Variants in TOX2 observed in about 807,000 individuals in gnomAD.
The protein encoded by TOX2 is granulosa cell HMG box 1.
TOX2 carries 15 observed loss-of-function variants against 47.4 expected under a neutral mutation model. That is an observed-to-expected ratio of 0.32 (90% confidence interval 0.21 to 0.49). The LOEUF is 0.49. Ranked by LOEUF, TOX2 falls within the 20% of genes least tolerant of loss-of-function variation. The pLI is 0.99. For missense variants in TOX2, 622 were observed against 673.1 expected (o/e 0.92, Z 0.84); for synonymous variants, 290 against 296.6 (o/e 0.98, Z 0.23).
chr20:43,920,518 G>A (rs1446150856), intron 1 of TOX2, among the ~76,000 whole-genome samples: 1 of 152,148 alleles, frequency 6.6e-6, no homozygotes, highest in East Asian at 1.9e-4. Flanking sequence ...ACGCTAGATG[G>A]ATGTCTGCAT....
At chr20:43,943,845 A>G (rs2069432285) in intron 1 of TOX2, among the ~76,000 whole-genome samples, 1 of 114,364 alleles carries the variant, frequency 8.7e-6, no homozygotes, top group Non-Finnish European at 1.8e-5. Context: ...ATAGTATTCC[A>G]TTCTATGGAG....
chr20:44,022,274 G>T (rs1260605570), intron 3 of TOX2, among the ~76,000 whole-genome samples: 2 of 152,148 alleles, frequency 1.3e-5, no homozygotes, highest in African/African-American at 4.8e-5. Context: ...CATGCGTGTT[G>T]AGGAAGTTAC....
chr20:43,926,198 A>G (rs2069165004), intron 1 of TOX2, among the ~76,000 whole-genome samples: 1 of 151,968 alleles, frequency 6.6e-6, no homozygotes, highest in Non-Finnish European at 1.5e-5. Flanking sequence ...TGGAAGATGG[A>G]CCCTGGGCCC....
At chr20:43,977,491 G>A (rs913309384) in intron 2 of TOX2, among the ~76,000 whole-genome samples, 4 of 152,112 alleles carry the variant, frequency 2.6e-5, no homozygotes, top group African/African-American at 7.2e-5. Flanking sequence ...CTTAGAAACC[G>A]CAGCTGAGAC....
intron 1 of TOX2, among the ~76,000 whole-genome samples, chr20:43,918,383 T>G (rs1389022605): frequency 1.3e-5 from 2 of 152,206 alleles, no homozygotes; most frequent in Middle Eastern, 6.3e-3. Context: ...TTTTGATAAA[T>G]ATTAACACTC....
chr20:43,988,243 CAT>C (rs2070306964), intron 2 of TOX2, among the ~76,000 whole-genome samples: 1 of 152,214 alleles, frequency 6.6e-6, no homozygotes, highest in African/African-American at 2.4e-5. Context: ...AAAGCACATG[CAT>C]ATGTGTGTGT....
intron 2 of TOX2, among the ~76,000 whole-genome samples, chr20:43,974,802 C>T (rs2070045701): frequency 1.3e-5 from 2 of 152,242 alleles, no homozygotes; most frequent in African/African-American, 4.8e-5. Flanking sequence ...GGCATGGAAG[C>T]TCTGCTGCAG....
chr20:43,923,654 T>C (rs558282738), intron 1 of TOX2, among the ~76,000 whole-genome samples: 1 of 152,222 alleles, frequency 6.6e-6, no homozygotes, highest in South Asian at 2.1e-4. Flanking sequence ...GGTGTGGACA[T>C]GGTTAGGTGT....
chr20:43,979,809 A>G (rs2070140319), intron 2 of TOX2, among the ~76,000 whole-genome samples: 1 of 152,240 alleles, frequency 6.6e-6, no homozygotes, highest in Non-Finnish European at 1.5e-5. Context: ...GAGAAATGCA[A>G]ATCAAAACTA....
In TOX2 at chr20:43,984,103, C is replaced by T. The variant is rs73290623; in HGVS notation, c.165+10671C>T. On this transcript the variant is annotated intron_variant, in intron 2 of 8. Transcript: ENST00000341197. ...AAATTGTGTTTCACCCGCTGTGGTG[C>T]GGAGAAGGTAACAGCGGTGATTACT... Among the ~76,000 whole-genome samples the T allele has an allele frequency of 1.6e-3, 246 of 152,264 alleles. 2 individuals are homozygous for T. Among genetic ancestry groups the T allele is most frequent in the African/African-American group, 5.2e-3 (218 of 41,548 alleles).
At chr20:43,992,704 A>G (rs1191699221) in intron 2 of TOX2, among the ~76,000 whole-genome samples, 1 of 152,236 alleles carries the variant, frequency 6.6e-6, no homozygotes, top group Non-Finnish European at 1.5e-5. Flanking sequence ...AGCCCTTGAT[A>G]TGGCAAAAGT....
At chr20:43,989,948 G>A (rs2070339618) in intron 2 of TOX2, among the ~76,000 whole-genome samples, 1 of 152,096 alleles carries the variant, frequency 6.6e-6, no homozygotes, top group Admixed American at 6.5e-5. Flanking sequence ...GACTGAAGGG[G>A]GATTTACTTC....
intron 2 of TOX2, among the ~76,000 whole-genome samples, chr20:44,005,906 T>A (rs2070671312): frequency 6.6e-6 from 1 of 152,048 alleles, no homozygotes; most frequent in African/African-American, 2.4e-5. Flanking sequence ...TATTCAGCGT[T>A]GTCCTGGAGG....
intron 1 of TOX2, among the ~76,000 whole-genome samples, chr20:43,966,831 C>T (rs140471472): frequency 1.5e-4 from 22 of 151,012 alleles, no homozygotes; most frequent in African/African-American, 4.6e-4. Flanking sequence ...CTTGGGGCTG[C>T]CCTGGAGGGT....
intron 3 of TOX2, among the ~76,000 whole-genome samples, chr20:44,020,846 C>T (rs1416628684): frequency 2.6e-5 from 4 of 152,176 alleles, no homozygotes; most frequent in African/African-American, 9.7e-5. Flanking sequence ...TTTCTGTTTG[C>T]CTTGAGGATT....
At chr20:43,970,718 C>T (rs1046362734) in intron 1 of TOX2, among the ~76,000 whole-genome samples, 1 of 152,188 alleles carries the variant, frequency 6.6e-6, no homozygotes, top group Non-Finnish European at 1.5e-5. Context: ...TGAGAGCGCC[C>T]CCACCCTGCC....
chr20:44,056,421 G>A (rs575474765), intron 5 of TOX2, among the ~76,000 whole-genome samples: 1 of 152,314 alleles, frequency 6.6e-6, no homozygotes, highest in African/African-American at 2.4e-5. Flanking sequence ...GGTTGTTTTT[G>A]TTTGGTGGGG....
chr20:43,993,805 G>C (rs1364213634), intron 2 of TOX2, among the ~76,000 whole-genome samples: 1 of 152,182 alleles, frequency 6.6e-6, no homozygotes, highest in Non-Finnish European at 1.5e-5. Context: ...CTTTTGTGTA[G>C]GACATCCAAG....
chr20:43,970,168 CCAA>C (rs1311509391), intron 1 of TOX2, among the ~76,000 whole-genome samples: 5 of 152,294 alleles, frequency 3.3e-5, no homozygotes, highest in Admixed American at 3.3e-4. Flanking sequence ...CAGAAAAAAT[CCAA>C]CAAGGGACTC....
Sources: allele counts gnomAD v4.1 joint callset (sites outside exome capture counted in the v4.1 genomes callset), GRCh38; gene constraint gnomAD v4.1.1; transcripts MANE v1.5; gene names NCBI Gene and HGNC (gene_info 2026-07-23, HGNC 2026-07-21).